Variants in GPHN observed in about 807,000 individuals in gnomAD.
The protein encoded by GPHN is gephyrin.
A neutral mutation model predicts 95.5 loss-of-function variants in GPHN; 17 were observed. The ratio of observed to expected loss-of-function variants is 0.18; its 90% confidence interval spans 0.12 to 0.27. GPHN has a LOEUF of 0.27. Among genes scored for constraint, GPHN ranks in the 10% least tolerant of loss-of-function variants. The pLI is 1.00. For missense variants in GPHN, 660 were observed against 978.1 expected (o/e 0.67, Z 4.34); for synonymous variants, 320 against 322.5 (o/e 0.99, Z 0.08).
the GPHN span, chr14:67,584,983 A>G: frequency 2.6e-5 from 4 of 152,382 alleles, no homozygotes; most frequent in South Asian, 2.1e-4. Context: ...CCTTTGGGTT[A>G]AGAGAGAGAT....
the GPHN span, among the ~76,000 whole-genome samples, chr14:67,419,939 A>G: frequency 1.8e-4 from 28 of 152,224 alleles, no homozygotes; most frequent in Non-Finnish European, 3.2e-4. Context: ...ATTCCATGGA[A>G]AAGTAGCAGG....
the GPHN span, among the ~76,000 whole-genome samples, chr14:67,668,843 G>A: frequency 6.6e-6 from 1 of 152,260 alleles, no homozygotes; most frequent in East Asian, 1.9e-4. Context: ...TGATGCAGCT[G>A]GTTCATGGAC....
intron 12 of GPHN, 58 bp downstream of exon 12, chr14:67,089,133 CTTTTTTTTTTTTTT>C (rs1163483546): frequency 1.1e-4 from 22 of 200,442 alleles, no homozygotes; most frequent in Middle Eastern, 1.6e-3. Flanking sequence ...TTCTTTTTTT[CTTTTTTTTTTTTTT>C]TTTTTTTTTT....
intron 3 of GPHN, among the ~76,000 whole-genome samples, chr14:66,822,673 CTA>C (rs1186826918): frequency 6.6e-6 from 1 of 152,168 alleles, no homozygotes; most frequent in Non-Finnish European, 1.5e-5. Flanking sequence ...ACCATTTTTA[CTA>C]TGTTTATTAG....
At chr14:66,866,650 C>T (rs961653375) in intron 4 of GPHN, among the ~76,000 whole-genome samples, 3 of 152,112 alleles carry the variant, frequency 2.0e-5, no homozygotes, top group African/African-American at 7.2e-5. Flanking sequence ...TTAGCAAATA[C>T]AGTGAGATTT....
the GPHN span, chr14:67,320,476 T>C: frequency 7.6e-7 from 1 of 1,313,302 alleles, no homozygotes; most frequent in Non-Finnish European, 1.0e-6. Flanking sequence ...GTAGGGAAAT[T>C]TTTTATTCAT....
At position 66,819,886 on chromosome 14, in the gene GPHN, A is replaced by G. The variant is rs17103717; in HGVS notation, c.202-4588A>G. On this transcript the variant is annotated intron_variant, in intron 3 of 22. Coordinates refer to ENST00000478722, the MANE Select transcript of GPHN (RefSeq NM_020806.5). ...GTTTAAATGAGTGAAAGACATAGCTATTTAAACAATTAGGATAATTTTCTG... is the reference window on the plus strand; with the variant it reads ...GTTTAAATGAGTGAAAGACATAGCTGTTTAAACAATTAGGATAATTTTCTG... Among the ~76,000 whole-genome samples, 456 of 152,280 alleles carry G rather than the reference A, an allele frequency of 3.0e-3. 3 individuals are homozygous for G. The highest frequency in any genetic ancestry group is 0.011 in the African/African-American group (438 of 41,576).
chr14:67,149,879 C>A (rs528067038), intron 18 of GPHN, among the ~76,000 whole-genome samples: 1 of 152,074 alleles, frequency 6.6e-6, no homozygotes, highest in Non-Finnish European at 1.5e-5. Context: ...AAAATACAGC[C>A]TTTCCAGCAA....
the GPHN span, among the ~76,000 whole-genome samples, chr14:67,655,134 G>C: frequency 6.6e-6 from 1 of 151,614 alleles, no homozygotes; most frequent in Non-Finnish European, 1.5e-5. Context: ...GAGCCCAGGA[G>C]TTCGAGAGCA....
chr14:66,643,989 G>A (rs1244529111), intron 1 of GPHN, among the ~76,000 whole-genome samples: 1 of 151,940 alleles, frequency 6.6e-6, no homozygotes, highest in Non-Finnish European at 1.5e-5. Flanking sequence ...ACAGCCAACT[G>A]AGCCAGCTGA....
At chr14:66,905,169 G>A (rs1177231441) in intron 5 of GPHN, among the ~76,000 whole-genome samples, 1 of 151,906 alleles carries the variant, frequency 6.6e-6, no homozygotes, top group Non-Finnish European at 1.5e-5. Context: ...CTATCTTTGA[G>A]CTCACTGACT....
At chr14:67,232,720 A>G in the GPHN span, among the ~76,000 whole-genome samples, 2 of 152,320 alleles carry the variant, frequency 1.3e-5, no homozygotes, top group South Asian at 4.1e-4. Flanking sequence ...GTATATTCAT[A>G]GCCTATATTC....
rs898385531 is a variant in GPHN at position 67,033,913 on chromosome 14, G to A, written c.1006+10238G>A. On this transcript the variant is annotated intron_variant, in intron 10 of 22. Transcript: ENST00000478722. Reference sequence around the variant, plus strand: ...CTTACAGGTCAGAAGGGAGCAGTACGTTATATTCAAAGTGCTGAAGGAACA... The same window carrying A: ...CTTACAGGTCAGAAGGGAGCAGTACATTATATTCAAAGTGCTGAAGGAACA... Among the ~76,000 whole-genome samples the A allele has an allele frequency of 1.4e-4, 22 of 152,180 alleles. 1 individual carries two copies. The highest frequency in any genetic ancestry group is 7.3e-5 in the Non-Finnish European group (5 of 68,034).
At chr14:66,613,945 A>C (rs929212755) in intron 1 of GPHN, among the ~76,000 whole-genome samples, 3 of 152,084 alleles carry the variant, frequency 2.0e-5, no homozygotes, top group Non-Finnish European at 4.4e-5. Context: ...TACTCATTGT[A>C]GCACTCATTT....
At chr14:66,837,474 T>G (rs1596085058) in intron 4 of GPHN, among the ~76,000 whole-genome samples, 1 of 144,078 alleles carries the variant, frequency 6.9e-6, no homozygotes, top group African/African-American at 2.5e-5. Flanking sequence ...GGGATAGCAT[T>G]GGGAGATATA....
At chr14:66,536,143 G>A (rs1441556163) in intron 1 of GPHN, among the ~76,000 whole-genome samples, 1 of 151,956 alleles carries the variant, frequency 6.6e-6, no homozygotes, top group Non-Finnish European at 1.5e-5. Flanking sequence ...ATAGAGAGAG[G>A]GCCTTGCTCT....
intron 1 of GPHN, among the ~76,000 whole-genome samples, chr14:66,662,683 T>C (rs1484834718): frequency 6.6e-6 from 1 of 152,200 alleles, no homozygotes; most frequent in Admixed American, 6.5e-5. Flanking sequence ...TTCATTCTGC[T>C]ACAGCTGCAC....
chr14:66,831,022 G>A (rs1410672583), intron 4 of GPHN, among the ~76,000 whole-genome samples: 1 of 151,896 alleles, frequency 6.6e-6, no homozygotes, highest in African/African-American at 2.4e-5. Context: ...TCAAAAATAA[G>A]AACACTGTAT....
the GPHN span, among the ~76,000 whole-genome samples, chr14:67,672,054 C>T: frequency 6.6e-6 from 1 of 152,016 alleles, no homozygotes; most frequent in South Asian, 2.1e-4. Flanking sequence ...TGTTCTTTTG[C>T]ATTATTTAGA....
Sources: gnomAD v4.1 joint callset for allele counts (sites outside exome capture counted in the v4.1 genomes callset) on GRCh38, gnomAD v4.1.1 for gene constraint, MANE v1.5 for transcripts, NCBI Gene and HGNC (gene_info 2026-07-23, HGNC 2026-07-21) for gene names.